CAST: variants seen among roughly 807,000 people sequenced by gnomAD.
CAST encodes MIR583 host.
In CAST, 76 loss-of-function variants were observed where a neutral mutation model predicts 119.6. The ratio of observed to expected loss-of-function variants is 0.64; its 90% CI spans 0.53 to 0.77. The LOEUF (loss-of-function observed/expected upper bound fraction) is 0.77, where lower values mean the gene tolerates loss of function less well. Ranked by LOEUF, CAST falls within the 30% of genes least tolerant of loss-of-function variation. CAST has a pLI of 0.00. For synonymous variants in CAST, 319 were observed against 331.6 expected, an observed-to-expected ratio of 0.96 and a Z score of 0.41; for missense variants, 953 against 946.5, an observed-to-expected ratio of 1.01 and a Z score of -0.09.
the CAST span, among the ~76,000 whole-genome samples, chr5:96,220,134 G>A: frequency 3.9e-5 from 6 of 152,158 alleles, no homozygotes; most frequent in African/African-American, 1.4e-4. Context: ...CCTGGCTAAT[G>A]GGACGTGAGG....
At chr5:96,030,132 A>T in the CAST span, among the ~76,000 whole-genome samples, 1 of 152,138 alleles carries the variant, frequency 6.6e-6, no homozygotes, top group Admixed American at 6.6e-5. Context: ...TCCAAATATC[A>T]CTATCCATCA....
At chr5:96,091,728 G>A in the CAST span, among the ~76,000 whole-genome samples, 3 of 150,304 alleles carry the variant, frequency 2.0e-5, no homozygotes, top group Admixed American at 2.0e-4. Flanking sequence ...CTAGTCTCAA[G>A]CTCCTGGACT....
chr5:96,712,554 C>G (rs751418658), intron 3 of CAST, among the ~76,000 whole-genome samples: 2 of 152,178 alleles, frequency 1.3e-5, no homozygotes, highest in African/African-American at 2.4e-5. Context: ...GTCTCTAACT[C>G]CTGGGCTCAA....
the CAST span, among the ~76,000 whole-genome samples, chr5:96,103,333 A>G: frequency 1.4e-5 from 2 of 142,120 alleles, no homozygotes; most frequent in Non-Finnish European, 3.1e-5. Context: ...ATATCTCCCA[A>G]TGCTATCCCT....
At chr5:96,616,183 G>A (rs976000799) in intron 1 of CAST, among the ~76,000 whole-genome samples, 5 of 152,118 alleles carry the variant, frequency 3.3e-5, no homozygotes, top group African/African-American at 9.7e-5. Flanking sequence ...ACCCAGGATC[G>A]ATACTTTGCA....
chr5:95,978,288 C>T, the CAST span, among the ~76,000 whole-genome samples: 3 of 152,194 alleles, frequency 2.0e-5, no homozygotes, highest in African/African-American at 7.2e-5. Flanking sequence ...GTTCTTCTTT[C>T]TCTGCAACCT....
the CAST span, among the ~76,000 whole-genome samples, chr5:96,503,158 G>T: frequency 6.6e-6 from 1 of 152,104 alleles, no homozygotes; most frequent in African/African-American, 2.4e-5. Context: ...GTAAAAACTG[G>T]TATCTCATGT....
chr5:96,285,888 A>G, the CAST span, among the ~76,000 whole-genome samples: 1 of 152,254 alleles, frequency 6.6e-6, no homozygotes, highest in East Asian at 1.9e-4. Flanking sequence ...GATTAATGTT[A>G]AAAGCACACT....
At chr5:96,720,163 G>A (rs189961561) in intron 3 of CAST, among the ~76,000 whole-genome samples, 81 of 152,234 alleles carry the variant, frequency 5.3e-4, no homozygotes, top group Non-Finnish European at 9.6e-4. Flanking sequence ...AACACCTGGG[G>A]GAGCCAATGA....
At chr5:96,062,156 A>G in the CAST span, among the ~76,000 whole-genome samples, 1 of 152,140 alleles carries the variant, frequency 6.6e-6, no homozygotes, top group South Asian at 2.1e-4. Context: ...CAGGATTGGC[A>G]TAACATTGTA....
chr5:96,175,934 C>T, the CAST span, among the ~76,000 whole-genome samples: 1 of 152,174 alleles, frequency 6.6e-6, no homozygotes, highest in African/African-American at 2.4e-5. Flanking sequence ...TGTATAATTT[C>T]ACAAACATCA....
At chr5:96,669,852 T>C (rs1279142039) in intron 1 of CAST, among the ~76,000 whole-genome samples, 2 of 152,336 alleles carry the variant, frequency 1.3e-5, no homozygotes, top group East Asian at 3.9e-4. Flanking sequence ...AAACCAGTGG[T>C]TCTCAATCCT....
chr5:95,976,912 A>G, the CAST span, among the ~76,000 whole-genome samples: 1 of 152,016 alleles, frequency 6.6e-6, no homozygotes, highest in African/African-American at 2.4e-5. Context: ...TATTTCCTCA[A>G]TTCTGACCCC....
At chr5:96,448,854 C>G in the CAST span, among the ~76,000 whole-genome samples, 2 of 152,258 alleles carry the variant, frequency 1.3e-5, no homozygotes, top group Non-Finnish European at 2.9e-5. Flanking sequence ...AAAATGCAAC[C>G]ATTCCCCAGA....
chr5:96,651,214 T>C (rs1198183485), intron 1 of CAST, among the ~76,000 whole-genome samples: 2 of 152,194 alleles, frequency 1.3e-5, no homozygotes, highest in Non-Finnish European at 2.9e-5. Context: ...AACAAAGCAC[T>C]GTCTAGTTAG....
the CAST span, among the ~76,000 whole-genome samples, chr5:96,356,321 G>A: frequency 9.9e-5 from 15 of 152,180 alleles, no homozygotes; most frequent in African/African-American, 3.6e-4. Context: ...TTGCTGTGCG[G>A]AAGCTCTTTA....
the CAST span, among the ~76,000 whole-genome samples, chr5:96,026,579 G>T: frequency 1.7e-3 from 257 of 152,256 alleles, 2 homozygotes; most frequent in African/African-American, 5.7e-3. Flanking sequence ...AATTGTACTC[G>T]AACTCCATGA....
intron 20 of CAST, among the ~76,000 whole-genome samples, chr5:96,751,407 CTG>C (rs1362546734): frequency 2.0e-5 from 3 of 152,174 alleles, no homozygotes; most frequent in Admixed American, 6.5e-5. Flanking sequence ...ACTATGAAGT[CTG>C]TCCTGATCAT....
At chr5:96,082,998 T>C in the CAST span, among the ~76,000 whole-genome samples, 2 of 152,246 alleles carry the variant, frequency 1.3e-5, no homozygotes, top group South Asian at 4.1e-4. Context: ...ACTTTGTCTA[T>C]GTGCCATTAT....
Sources: gnomAD v4.1 joint callset for allele counts (sites outside exome capture counted in the v4.1 genomes callset) on GRCh38, gnomAD v4.1.1 for gene constraint, MANE v1.5 for transcripts, NCBI Gene and HGNC (gene_info 2026-07-23, HGNC 2026-07-21) for gene names.